STAB2: variants seen among roughly 807,000 people sequenced by gnomAD.
STAB2 encodes the protein stabilin-2.
STAB2 carries 288 observed loss-of-function variants against 338.1 expected under a neutral mutation model. That is an observed-to-expected ratio of 0.85 (90% CI 0.77 to 0.94). The LOEUF (loss-of-function observed/expected upper bound fraction) is 0.94. Among genes scored for constraint, STAB2 ranks in the 40% least tolerant of loss-of-function variants. STAB2 has a pLI of 0.00. For synonymous variants in STAB2, 1,202 were observed against 1,193.3 expected, an observed-to-expected ratio of 1.01 and a Z score of -0.15; for missense variants, 3,141 against 3,210.1, an observed-to-expected ratio of 0.98 and a Z score of 0.52.
At chr12:103,640,334 G>A in intron 9 of STAB2, 78 bp downstream of exon 9, 1 of 1,553,446 alleles carries the variant, frequency 6.4e-7, no homozygotes, top group Non-Finnish European at 8.8e-7. Flanking sequence ...GTTTCTTGAA[G>A]GGGAGGAAAT....
At chr12:103,641,034 A>G (rs185579342) in intron 9 of STAB2, among the ~76,000 whole-genome samples, 118 of 152,338 alleles carry the variant, frequency 7.7e-4, no homozygotes, top group African/African-American at 2.6e-3. Flanking sequence ...TGAGGTTTCT[A>G]TCTCTGTTCC....
At chr12:103,717,867 C>T in intron 44 of STAB2, 26 bp downstream of exon 44, 1 of 1,612,918 alleles carries the variant, frequency 6.2e-7, no homozygotes, top group Non-Finnish European at 8.5e-7. Flanking sequence ...GGGTGGATAT[C>T]CTTCAAGCCT....
intron 3 of STAB2, among the ~76,000 whole-genome samples, chr12:103,613,469 C>T (rs375371952): frequency 2.4e-4 from 36 of 152,270 alleles, no homozygotes; most frequent in East Asian, 1.5e-3. Flanking sequence ...GCTCCGTGGA[C>T]GTAGGACCCT....
chr12:103,641,549 C>T (rs1565979531), intron 9 of STAB2, among the ~76,000 whole-genome samples: 1 of 152,192 alleles, frequency 6.6e-6, no homozygotes, highest in Admixed American at 6.5e-5. Context: ...ACCCAACACA[C>T]ATATGCATCC....
At chr12:103,595,696 T>C (rs1956865163) in intron 3 of STAB2, among the ~76,000 whole-genome samples, 1 of 152,212 alleles carries the variant, frequency 6.6e-6, no homozygotes, top group Non-Finnish European at 1.5e-5. Flanking sequence ...AGTTAGACAT[T>C]TTTATCCCCA....
chr12:103,747,130 A>G (rs1883123682), intron 58 of STAB2, among the ~76,000 whole-genome samples: 1 of 151,688 alleles, frequency 6.6e-6, no homozygotes, highest in Non-Finnish European at 1.5e-5. Context: ...CTAACTTTAG[A>G]GTGTTTTTCT....
chr12:103,694,496 A>C (rs1406248502), intron 31 of STAB2, among the ~76,000 whole-genome samples: 1 of 152,202 alleles, frequency 6.6e-6, no homozygotes, highest in Non-Finnish European at 1.5e-5. Flanking sequence ...CATGGTCTCC[A>C]TCATAGCTGT....
intron 12 of STAB2, 31 bp from the exon 13 acceptor site, chr12:103,654,523 TA>T: frequency 6.2e-7 from 1 of 1,607,568 alleles, no homozygotes; most frequent in Non-Finnish European, 8.5e-7. Flanking sequence ...GACACCATAG[TA>T]ATCTTATTTT....
At chr12:103,707,033 A>T in intron 38 of STAB2, 46 bp downstream of exon 38, 1 of 1,599,130 alleles carries the variant, frequency 6.3e-7, no homozygotes, top group Non-Finnish European at 8.5e-7. Flanking sequence ...GCTGAAACCA[A>T]CCAGGAATAT....
At chr12:103,611,236 A>G (rs1482498528) in intron 3 of STAB2, among the ~76,000 whole-genome samples, 1 of 152,150 alleles carries the variant, frequency 6.6e-6, no homozygotes. Context: ...CAATTCCTGG[A>G]TATCCTTGTT....
chr12:103,685,722 A>T (rs549939288), intron 27 of STAB2, among the ~76,000 whole-genome samples: 1 of 152,130 alleles, frequency 6.6e-6, no homozygotes, highest in Non-Finnish European at 1.5e-5. Flanking sequence ...CCAGTGTAGA[A>T]CATTCTATCT....
intron 24 of STAB2, among the ~76,000 whole-genome samples, chr12:103,676,940 G>GCCCCATCCCAA (rs1876432585): frequency 1.3e-5 from 2 of 152,068 alleles, no homozygotes; most frequent in South Asian, 4.1e-4. Context: ...CTTTGAGTGA[G>GCCCCATCCCAA]CCCCATCCCA....
chr12:103,649,829 G>A (rs79472713), intron 10 of STAB2, among the ~76,000 whole-genome samples: 2,340 of 152,144 alleles, frequency 0.015, 74 homozygotes, highest in African/African-American at 0.054. Context: ...GACCAGACAG[G>A]GGGGAGGTAG....
At chr12:103,639,523 C>A (rs1031682719) in intron 8 of STAB2, among the ~76,000 whole-genome samples, 1 of 151,772 alleles carries the variant, frequency 6.6e-6, no homozygotes, top group Non-Finnish European at 1.5e-5. Context: ...GGCAACATAG[C>A]GAAACCTCGT....
chr12:103,699,461 C>T lies in STAB2; in HGVS notation c.3714+234C>T, dbSNP rs530238903. 6.6e-5 allele frequency among the ~76,000 whole-genome samples: 10 copies of T among 152,318 alleles called. No individual in the cohort carries two copies. In the South Asian group the frequency reaches 1.9e-3, roughly 28 times the overall value. ...GTGGAAGGCAAGGAGGCACAAGTCA[C>T]GTCTTTCATGGATGGCAGCAGGCAA... On this transcript the variant is annotated intron_variant, in intron 34 of 68. Transcript: ENST00000388887.
rs748886693 is a variant in STAB2 at position 103,759,277 on chromosome 12, C to CAA, written c.7248+6_7248+7dup. On this transcript the variant is annotated splice_donor_region_variant and intron_variant, in intron 65 of 68. Coordinates refer to ENST00000388887, the MANE Select transcript of STAB2 (RefSeq NM_017564.10). Reference sequence around the variant, plus strand: ...CAGCCAGGACCCACTCCAACCGGTACAAAGTCTTCTGGGCTTCTTGGGGGA... The same window carrying CAA: ...CAGCCAGGACCCACTCCAACCGGTACAAAAAGTCTTCTGGGCTTCTTGGGGGA... 1 of 1,613,542 alleles carries CAA rather than the reference C, an allele frequency of 6.2e-7. No homozygotes were observed. Among genetic ancestry groups the CAA allele is most frequent in the East Asian group, 2.2e-5 (1 of 44,840 alleles).
chr12:103,737,707 A>G lies in STAB2; in HGVS notation c.5624A>G (p.Tyr1875Cys). The change falls in exon 53 of 69, where the codon TAC becomes TGC. Residue 1875 changes from tyrosine (Y) to cysteine (C), a missense_variant. Transcript: ENST00000388887. Reference sequence around the variant, plus strand: ...CTCTTGTTTGACCTGGGTGTGGCCTACGGCATTGACTGTCTGCTGATTGAT... The same window carrying G: ...CTCTTGTTTGACCTGGGTGTGGCCTGCGGCATTGACTGTCTGCTGATTGAT... ...RELLFDLGVAYGIDCLLIDPT... is the reference protein window; with the variant it reads ...RELLFDLGVACGIDCLLIDPT... 2 of 1,611,522 alleles carry G rather than the reference A, an allele frequency of 1.2e-6. No individual in the cohort carries two copies. The highest frequency in any genetic ancestry group is 4.5e-5 in the East Asian group (2 of 44,702).
chr12:103,706,743 A>G, intron 37 of STAB2, 49 bp from the exon 38 acceptor site: 1 of 1,609,306 alleles, frequency 6.2e-7, no homozygotes, highest in East Asian at 2.2e-5. Context: ...GAGGCTGGAC[A>G]ACACCAGAGG....
intron 10 of STAB2, 32 bp from the exon 11 acceptor site, chr12:103,650,464 T>C (rs1187756882): frequency 6.2e-7 from 1 of 1,605,666 alleles, no homozygotes; most frequent in Non-Finnish European, 8.5e-7. Context: ...TCATTTGGCG[T>C]TTTCTTTCTT....
Sources: gnomAD v4.1 joint callset for allele counts (sites outside exome capture counted in the v4.1 genomes callset) on GRCh38, gnomAD v4.1.1 for gene constraint, MANE v1.5 for transcripts, NCBI Gene and HGNC (gene_info 2026-07-23, HGNC 2026-07-21) for gene names.